Variants in C4orf50 observed in about 807,000 individuals in gnomAD.
C4orf50 encodes the protein uncharacterized protein C4orf50.
Under a neutral mutation model 77.2 loss-of-function variants are expected in C4orf50, and 80 were observed. The ratio of observed to expected loss-of-function variants is 1.04; its 90% CI spans 0.87 to 1.25. The LOEUF is 1.25. Ranked by LOEUF, C4orf50 falls within the 50% of genes most tolerant of loss-of-function variation. C4orf50 has a pLI of 0.00. For missense variants in C4orf50, 1,257 were observed against 1,152.9 expected, an observed-to-expected ratio of 1.09 and a Z score of -1.31; for synonymous variants, 532 against 465.3, an observed-to-expected ratio of 1.14 and a Z score of -1.84.
intron 32 of C4orf50, among the ~76,000 whole-genome samples, chr4:5,967,160 T>C (rs1376756456): frequency 2.0e-5 from 3 of 152,214 alleles, no homozygotes; most frequent in African/African-American, 7.2e-5. Context: ...AATTATCTAC[T>C]TAGGATGAGT....
At position 6,017,013 on chromosome 4, in the gene C4orf50, C is replaced by A. The variant is rs2108816657; in HGVS notation, c.287+1132G>T. 6.6e-6 allele frequency among the ~76,000 whole-genome samples: 1 copy of A among 152,244 alleles called. No individual in the cohort carries two copies. Among genetic ancestry groups the A allele is most frequent in the Middle Eastern group, 3.4e-3 (1 of 294 alleles). On this transcript the variant is annotated intron_variant, in intron 23 of 33. Coordinates refer to ENST00000531445, the Ensembl canonical transcript of C4orf50. This position sits in a 1 kb window ranked among gnomAD's most constrained non-coding sequence, Gnocchi z 4.7. ...GGTTTCGCTGATCTATATACAAGGC[C>A]CAACCTCGTTCTGCCAGTCTGGGTG... is the stretch of plus-strand genomic sequence containing the variant.
intron 33 of C4orf50, among the ~76,000 whole-genome samples, chr4:5,964,724 C>T (rs1407331908): frequency 7.6e-5 from 11 of 145,604 alleles, no homozygotes; most frequent in South Asian, 6.7e-4. Flanking sequence ...GCCGAGATCG[C>T]GCCACTGCAC....
At chr4:5,983,777 C>A (rs1007665946) in intron 28 of C4orf50, among the ~76,000 whole-genome samples, 1 of 152,134 alleles carries the variant, frequency 6.6e-6, no homozygotes, top group Non-Finnish European at 1.5e-5. Context: ...AGAAATAGAG[C>A]TTGGAGTTTA....
intron 7 of C4orf50, among the ~76,000 whole-genome samples, chr4:5,939,866 T>C (rs1330214197): frequency 6.6e-6 from 1 of 152,212 alleles, no homozygotes; most frequent in Non-Finnish European, 1.5e-5. Flanking sequence ...GCTTCAGCAG[T>C]GATAAGAGAC....
At chr4:5,965,542 C>T (rs979601153) in intron 32 of C4orf50, among the ~76,000 whole-genome samples, 4 of 152,254 alleles carry the variant, frequency 2.6e-5, no homozygotes, top group African/African-American at 7.2e-5. Flanking sequence ...ATCGGTCTAG[C>T]GCGTTTCCTT....
intron 28 of C4orf50, among the ~76,000 whole-genome samples, chr4:5,985,993 TA>T (rs1314584465): frequency 2.0e-5 from 3 of 151,990 alleles, no homozygotes; most frequent in Non-Finnish European, 4.4e-5. Flanking sequence ...ACATAAAAAT[TA>T]AAGAACATTA....
intron 27 of C4orf50, among the ~76,000 whole-genome samples, chr4:5,991,148 C>T (rs966264550): frequency 6.6e-6 from 1 of 152,230 alleles, no homozygotes; most frequent in East Asian, 1.9e-4. Flanking sequence ...CATCTTCTCC[C>T]ACAGCACCCT....
At chr4:5,989,063 G>T in exon 28 of C4orf50, 1 of 1,535,962 alleles carries the variant, frequency 6.5e-7, no homozygotes, top group Non-Finnish European at 8.7e-7. Context: ...TGTAAATATT[G>T]ATCCAGTTCT....
chr4:5,943,819 G>A (rs888862901), intron 7 of C4orf50, among the ~76,000 whole-genome samples: 2 of 152,212 alleles, frequency 1.3e-5, no homozygotes, highest in Non-Finnish European at 2.9e-5. Flanking sequence ...CCCTGTGTAA[G>A]ATTAGACTCA....
In C4orf50 at chr4:5,959,317, G is replaced by T. The variant is rs1577932450; in HGVS notation, c.*58C>A. 11 of 1,555,608 alleles carry T rather than the reference G, an allele frequency of 7.1e-6. No homozygotes were observed. In the South Asian group the frequency reaches 9.5e-5, roughly 13 times the overall value. On this transcript the variant is annotated 3_prime_UTR_variant, in exon 34 of 34. Transcript: ENST00000531445. ...CAATTTCTTAAAGCACTCTCTGAAGGTTCTGCTTCAAATATTTATGGAGTC... is the reference window on the plus strand; with the variant it reads ...CAATTTCTTAAAGCACTCTCTGAAGTTTCTGCTTCAAATATTTATGGAGTC...
chr4:5,973,581 C>G (rs1463334032), intron 31 of C4orf50, 78 bp downstream of exon 9: 24 of 1,230,210 alleles, frequency 2.0e-5, no homozygotes, highest in Non-Finnish European at 2.7e-5. Context: ...AGGGGCTGCT[C>G]CAGTCAGGCA....
chr4:5,948,951 A>G (rs1360776446), intron 7 of C4orf50, among the ~76,000 whole-genome samples: 1 of 128,202 alleles, frequency 7.8e-6, no homozygotes, highest in African/African-American at 3.2e-5. Flanking sequence ...ACAGAGTGAG[A>G]CTCCATCTCA....
At chr4:5,922,670 T>C (rs535701519) in intron 7 of C4orf50, among the ~76,000 whole-genome samples, 10 of 152,228 alleles carry the variant, frequency 6.6e-5, no homozygotes, top group South Asian at 2.1e-4. Flanking sequence ...AGGAGAAGGG[T>C]TGTCCTCCTG....
chr4:5,949,500 A>G (rs1183530788), intron 7 of C4orf50, among the ~76,000 whole-genome samples: 1 of 152,238 alleles, frequency 6.6e-6, no homozygotes, highest in Non-Finnish European at 1.5e-5. Context: ...AGCCGGACTT[A>G]TAGAGACAGA....
At chr4:5,955,012 C>G (rs1255214296), downstream of C4orf50, among the ~76,000 whole-genome samples, 1 of 152,086 alleles carries the variant, frequency 6.6e-6, no homozygotes, top group African/African-American at 2.4e-5. This position sits in a 1 kb window ranked among gnomAD's most constrained non-coding sequence, Gnocchi z 5.1. Flanking sequence ...GAAACAGCAG[C>G]CTTGCTTCCC....
Position 6,015,336 on chromosome 4 carries a change from G to T in C4orf50, c.287+2809C>A, listed in dbSNP as rs1329567037. The stretch of plus-strand genomic sequence containing the variant: ...AGGAGGACACAGACACACACAGAGG[G>T]ATGACCATGTGACGACACAGGGAGA... On this transcript the variant is annotated intron_variant, in intron 23 of 33. Transcript: ENST00000531445. This position sits in a 1 kb window ranked among gnomAD's most constrained non-coding sequence, Gnocchi z 4.4. Among the ~76,000 whole-genome samples the T allele has an allele frequency of 6.6e-6, 1 of 152,156 alleles. No individual in the cohort carries two copies. Among genetic ancestry groups the T allele is most frequent in the East Asian group, 1.9e-4 (1 of 5,180 alleles).
chr4:5,972,197 G>C (rs1384381156), intron 31 of C4orf50, among the ~76,000 whole-genome samples: 2 of 152,000 alleles, frequency 1.3e-5, no homozygotes, highest in Admixed American at 1.3e-4. Context: ...TAGAGACGGG[G>C]TTTCACCATG....
At chr4:5,946,438 G>A (rs577285795) in intron 7 of C4orf50, among the ~76,000 whole-genome samples, 411 of 92,404 alleles carry the variant, frequency 4.4e-3, no homozygotes, top group South Asian at 0.01. Flanking sequence ...TAAATCGTAA[G>A]TGTTAGAAAT....
chr4:5,996,855 G>A (rs1721614685), intron 25 of C4orf50, among the ~76,000 whole-genome samples: 1 of 152,260 alleles, frequency 6.6e-6, no homozygotes, highest in Non-Finnish European at 1.5e-5. Context: ...GCTGGCTGCT[G>A]CAGCTGTCCC....
Sources: gnomAD v4.1 joint callset for allele counts (sites outside exome capture counted in the v4.1 genomes callset) on GRCh38, gnomAD v4.1.1 for gene constraint, Gnocchi (gnomAD v3.1) non-coding constraint, MANE v1.5 for transcripts, NCBI Gene and HGNC (gene_info 2026-07-23, HGNC 2026-07-21) for gene names.